Variants in ACYP2 observed in about 807,000 individuals in gnomAD.
ACYP2 encodes acylphosphatase-2.
Under a neutral mutation model 11.2 loss-of-function variants are expected in ACYP2, and 12 were observed. The ratio of observed to expected loss-of-function variants is 1.08; its 90% CI spans 0.69 to 1.74. The LOEUF (loss-of-function observed/expected upper bound fraction) is 1.74, where lower values mean the gene tolerates loss of function less well. ACYP2 is among the 40% of genes most tolerant of loss of function. ACYP2 has a pLI of 0.00. For synonymous variants in ACYP2, 43 were observed against 32.2 expected (o/e 1.33, Z -1.13); for missense variants, 134 against 101.9 (o/e 1.31, Z -1.35).
At chr2:54,295,990 G>A (rs1689505881) in intron 6 of ACYP2, among the ~76,000 whole-genome samples, 1 of 151,796 alleles carries the variant, frequency 6.6e-6, no homozygotes, top group South Asian at 2.1e-4. Flanking sequence ...CGCATTCCTG[G>A]CCTCAAGTGA....
intron 4 of ACYP2, among the ~76,000 whole-genome samples, chr2:54,072,481 TTTC>T (rs756282149): frequency 1.4e-3 from 146 of 105,842 alleles, no homozygotes; most frequent in Admixed American, 4.3e-3. Flanking sequence ...TCTTTCTTTC[TTTC>T]TTTTTTCTTT....
intron 4 of ACYP2, among the ~76,000 whole-genome samples, chr2:54,105,035 T>C (rs1426495133): frequency 6.6e-6 from 1 of 152,210 alleles, no homozygotes; most frequent in Non-Finnish European, 1.5e-5. Flanking sequence ...GAAGATATTT[T>C]TGGGGAAATA....
At chr2:54,024,619 AC>A (rs1674180003) in intron 2 of ACYP2, among the ~76,000 whole-genome samples, 1 of 152,184 alleles carries the variant, frequency 6.6e-6, no homozygotes, top group South Asian at 2.1e-4. Flanking sequence ...TGACAAACCC[AC>A]AGCCAACATT....
At chr2:54,049,730 C>T (rs1248147130) in intron 2 of ACYP2, among the ~76,000 whole-genome samples, 1 of 152,188 alleles carries the variant, frequency 6.6e-6, no homozygotes, top group Admixed American at 6.5e-5. Context: ...AGTATCTCCT[C>T]ATCTCAGAAT....
intron 6 of ACYP2, among the ~76,000 whole-genome samples, chr2:54,170,481 A>G (rs928372064): frequency 1.3e-5 from 2 of 151,974 alleles, no homozygotes; most frequent in African/African-American, 4.8e-5. Context: ...GCGTTTTGTG[A>G]CACTTGGTGA....
intron 6 of ACYP2, among the ~76,000 whole-genome samples, chr2:54,282,012 C>T (rs1401234682): frequency 6.6e-6 from 1 of 152,012 alleles, no homozygotes; most frequent in Non-Finnish European, 1.5e-5. Flanking sequence ...TATGTTCTTC[C>T]ACAAAGGAGC....
intron 2 of ACYP2, among the ~76,000 whole-genome samples, chr2:54,016,532 T>C (rs1046587180): frequency 1.3e-5 from 2 of 152,166 alleles, no homozygotes; most frequent in Admixed American, 1.3e-4. Flanking sequence ...CATTTGACTA[T>C]GCATCATTAC....
intron 2 of ACYP2, among the ~76,000 whole-genome samples, chr2:53,983,260 C>G (rs1244992984): frequency 2.0e-5 from 3 of 152,142 alleles, no homozygotes; most frequent in South Asian, 4.1e-4. Context: ...AATCCCAGCA[C>G]TTTGGTAGAC....
At chr2:54,258,934 A>C (rs1204763514) in intron 6 of ACYP2, among the ~76,000 whole-genome samples, 1 of 152,234 alleles carries the variant, frequency 6.6e-6, no homozygotes, top group Non-Finnish European at 1.5e-5. Context: ...CTGGGAAAGA[A>C]TGGACAAGAG....
intron 6 of ACYP2, among the ~76,000 whole-genome samples, chr2:54,214,437 C>T (rs1685469336): frequency 6.6e-6 from 1 of 152,132 alleles, no homozygotes; most frequent in African/African-American, 2.4e-5. Context: ...GGAAGGAGTC[C>T]AGTTTCAATC....
chr2:54,008,565 G>A (rs1673194518), intron 2 of ACYP2, among the ~76,000 whole-genome samples: 1 of 152,132 alleles, frequency 6.6e-6, no homozygotes, highest in African/African-American at 2.4e-5. Context: ...AGGCACAGAG[G>A]CAAAGAATTA....
intron 4 of ACYP2, among the ~76,000 whole-genome samples, chr2:54,077,629 C>G (rs1023068388): frequency 6.6e-6 from 1 of 152,138 alleles, no homozygotes; most frequent in Non-Finnish European, 1.5e-5. Context: ...ATAGACTGAC[C>G]ATTAGAGTGT....
At chr2:54,167,390 A>T (rs1683030766) in intron 6 of ACYP2, among the ~76,000 whole-genome samples, 1 of 152,248 alleles carries the variant, frequency 6.6e-6, no homozygotes, top group Non-Finnish European at 1.5e-5. Flanking sequence ...ATATCTGAAA[A>T]GATATAATGG....
At chr2:54,019,089 C>G (rs1254646452) in intron 2 of ACYP2, among the ~76,000 whole-genome samples, 2 of 149,538 alleles carry the variant, frequency 1.3e-5, no homozygotes, top group Non-Finnish European at 3.0e-5. Context: ...TTTTTGGCAA[C>G]AAGGCCTTGC....
At chr2:53,983,064 A>C (rs1385609126) in intron 2 of ACYP2, among the ~76,000 whole-genome samples, 1 of 152,126 alleles carries the variant, frequency 6.6e-6, no homozygotes, top group East Asian at 1.9e-4. Flanking sequence ...TTATAATTTT[A>C]TTAGATGCTT....
chr2:54,078,394 CAT>C (rs1199045681), intron 4 of ACYP2, among the ~76,000 whole-genome samples: 1 of 129,302 alleles, frequency 7.7e-6, no homozygotes, highest in Non-Finnish European at 1.6e-5. Flanking sequence ...ATATGCAAAT[CAT>C]ATATATATGC....
chr2:54,219,726 C>A (rs981092577), intron 6 of ACYP2, among the ~76,000 whole-genome samples: 6 of 151,830 alleles, frequency 4.0e-5, no homozygotes, highest in Admixed American at 1.3e-4. Context: ...TCAAGCAATT[C>A]TCCTGCCTCA....
chr2:54,017,045 C>A (rs1673728150), intron 2 of ACYP2, among the ~76,000 whole-genome samples: 1 of 145,906 alleles, frequency 6.9e-6, no homozygotes, highest in Non-Finnish European at 1.5e-5. Flanking sequence ...TTTTGAGGAC[C>A]TTCTTGCTGA....
In ACYP2 at chr2:54,296,758, G is replaced by A. The variant is rs556987446; in HGVS notation, c.405-7930G>A. ...ACATAAGCATGTAAAATATATTAGAGTGAAGAGGGACACATGGTTATCAAA... is the reference window on the plus strand; with the variant it reads ...ACATAAGCATGTAAAATATATTAGAATGAAGAGGGACACATGGTTATCAAA... On this transcript the variant is annotated intron_variant, in intron 6 of 6. Transcript: ENST00000607452. 5.3e-5 allele frequency among the ~76,000 whole-genome samples: 8 copies of A among 152,286 alleles called. No homozygotes were observed. In the East Asian group the frequency reaches 1.5e-3, roughly 29 times the overall value.
Sources: allele counts gnomAD v4.1 joint callset (sites outside exome capture counted in the v4.1 genomes callset), GRCh38; gene constraint gnomAD v4.1.1; transcripts MANE v1.5; gene names NCBI Gene and HGNC (gene_info 2026-07-23, HGNC 2026-07-21).